CYRIB: variants seen among roughly 807,000 people sequenced by gnomAD.
CYRIB encodes the protein CYFIP related Rac1 interactor B.
Under a neutral mutation model 44.2 loss-of-function variants are expected in CYRIB, and 8 were observed. The observed-to-expected ratio is 0.18, with a 90% CI of 0.11 to 0.33. The LOEUF is 0.33. Among genes scored for constraint, CYRIB ranks in the 10% least tolerant of loss-of-function variants. The probability of loss-of-function intolerance (pLI) is 1.00; values close to 1 mark genes in which losing one functional copy is unlikely to be tolerated. For synonymous variants in CYRIB, 131 were observed against 127.2 expected, an observed-to-expected ratio of 1.03 and a Z score of -0.20; for missense variants, 185 against 382.8, an observed-to-expected ratio of 0.48 and a Z score of 4.31.
In CYRIB at chr8:129,955,247, C is replaced by T. The variant is rs529542190; in HGVS notation, c.-243+15696G>A. On this transcript the variant is annotated intron_variant, in intron 2 of 14. Transcript: ENST00000401979. ...CAGCCTGGGTGACAGAACAAAACTCCGTCTCAAAAAAAAAAAAAAAAAAAA... is the reference window on the plus strand; with the variant it reads ...CAGCCTGGGTGACAGAACAAAACTCTGTCTCAAAAAAAAAAAAAAAAAAAA... Among the ~76,000 whole-genome samples, 864 of 104,598 alleles carry T rather than the reference C, an allele frequency of 8.3e-3. 8 individuals are homozygous for T. Among genetic ancestry groups the T allele is most frequent in the African/African-American group, 0.019 (528 of 27,572 alleles). The allele number at this position is 104,598 out of a possible 152,430, so 68.6% of individuals were successfully genotyped here.
intron 1 of CYRIB, among the ~76,000 whole-genome samples, chr8:129,933,496 G>A (rs1318733484): frequency 1.3e-5 from 2 of 152,130 alleles, no homozygotes; most frequent in Non-Finnish European, 2.9e-5. Context: ...GGTTTACAGG[G>A]GTTAGGAAAA....
intron 1 of CYRIB, among the ~76,000 whole-genome samples, chr8:129,929,248 G>C (rs933483208): frequency 3.9e-5 from 6 of 152,102 alleles, no homozygotes; most frequent in Non-Finnish European, 7.4e-5. Context: ...GTGAGGGAGA[G>C]AGTGTGAGAA....
intron 3 of CYRIB, among the ~76,000 whole-genome samples, chr8:129,878,113 C>T (rs1487452405): frequency 6.6e-6 from 1 of 152,160 alleles, no homozygotes; most frequent in Admixed American, 6.5e-5. Flanking sequence ...TAATATTCAT[C>T]TAATATTTAA....
intron 1 of CYRIB, among the ~76,000 whole-genome samples, chr8:129,909,421 A>G (rs564407707): frequency 6.6e-6 from 1 of 152,334 alleles, no homozygotes; most frequent in Admixed American, 6.5e-5. Flanking sequence ...TCTTTTATGT[A>G]TATTTTTATA....
chr8:129,986,635 T>C (rs2395952), intron 1 of CYRIB, among the ~76,000 whole-genome samples: 50,608 of 151,874 alleles, frequency 0.33, 8,652 homozygotes, highest in African/African-American at 0.4. Context: ...CCCCTCACCA[T>C]GTGATGCTCT....
chr8:129,881,094 C>CAGGTACAAT (rs11472262), intron 2 of CYRIB, among the ~76,000 whole-genome samples: 2,587 of 152,240 alleles, frequency 0.017, 61 homozygotes, highest in African/African-American at 0.053. Context: ...ACACAGCAAA[C>CAGGTACAAT]AGGGAGCCAG....
chr8:129,955,139 G>C (rs1238760306), intron 2 of CYRIB, among the ~76,000 whole-genome samples: 1 of 151,684 alleles, frequency 6.6e-6, no homozygotes, highest in Non-Finnish European at 1.5e-5. Context: ...TGTAGTCCCA[G>C]CTACTTGGGA....
At chr8:129,900,572 T>C (rs919484661) in intron 2 of CYRIB, among the ~76,000 whole-genome samples, 2 of 152,214 alleles carry the variant, frequency 1.3e-5, no homozygotes, top group Admixed American at 1.3e-4. Context: ...TACCTTTTTC[T>C]TGTTTTCAAA....
At chr8:129,843,300 T>C (rs2037621777) in intron 11 of CYRIB, among the ~76,000 whole-genome samples, 1 of 152,186 alleles carries the variant, frequency 6.6e-6, no homozygotes, top group South Asian at 2.1e-4. Context: ...CAGTGGAGCA[T>C]ATTAAGCAGG....
intron 5 of CYRIB, among the ~76,000 whole-genome samples, chr8:129,856,392 C>T (rs2046233529): frequency 6.6e-6 from 1 of 152,036 alleles, no homozygotes; most frequent in South Asian, 2.1e-4. Flanking sequence ...CTAATAAATA[C>T]CATGTTTGAT....
At chr8:129,847,963 A>G (rs1223548200) in intron 10 of CYRIB, among the ~76,000 whole-genome samples, 2 of 151,914 alleles carry the variant, frequency 1.3e-5, no homozygotes, top group Non-Finnish European at 2.9e-5. Flanking sequence ...CACCACACCC[A>G]GCTAATTTTT....
chr8:129,901,342 G>A lies in CYRIB; in HGVS notation c.-11+1970C>T, dbSNP rs137965694. The A allele has an allele frequency of 6.4e-4, 97 of 152,116 alleles. 1 individual carries two copies. The highest frequency in any genetic ancestry group is 2.1e-3 in the African/African-American group (88 of 41,472). The allele number at this position is 152,116 out of a possible 1,614,324, so 9.4% of individuals were successfully genotyped here. On this transcript the variant is annotated intron_variant, in intron 2 of 11. Coordinates refer to ENST00000519824, the Ensembl canonical transcript of CYRIB. ...AGTGATTCTCATGCCTCAGCCTCCCGAGTAGCTGGGATAACAGGCAGGTGC... is the reference window on the plus strand; with the variant it reads ...AGTGATTCTCATGCCTCAGCCTCCCAAGTAGCTGGGATAACAGGCAGGTGC...
intron 4 of CYRIB, among the ~76,000 whole-genome samples, chr8:129,870,100 G>A (rs897691619): frequency 1.3e-5 from 2 of 152,044 alleles, no homozygotes; most frequent in South Asian, 2.1e-4. Context: ...ATGACACTAC[G>A]ATCTGCTAAT....
chr8:129,979,976 T>G (rs1436328168), intron 1 of CYRIB, among the ~76,000 whole-genome samples: 1 of 151,912 alleles, frequency 6.6e-6, no homozygotes, highest in Non-Finnish European at 1.5e-5. Flanking sequence ...CATAAACCCT[T>G]AAACATGAAC....
intron 1 of CYRIB, among the ~76,000 whole-genome samples, chr8:130,005,048 T>C (rs1268698710): frequency 2.0e-5 from 3 of 152,222 alleles, no homozygotes; most frequent in Non-Finnish European, 2.9e-5. Context: ...ATTACAGGCA[T>C]GAGCCACCGT....
intron 2 of CYRIB, among the ~76,000 whole-genome samples, chr8:129,957,693 TGGTGGC>T (rs1014778044): frequency 1.3e-5 from 2 of 151,810 alleles, no homozygotes; most frequent in Non-Finnish European, 1.5e-5. Context: ...TTGGCCGGCG[TGGTGGC>T]ACATGCCTGT....
In CYRIB at chr8:129,935,143, C is replaced by T. The variant is rs182946492; in HGVS notation, c.-50+4465G>A. Among the ~76,000 whole-genome samples, 69 of 152,272 alleles carry T rather than the reference C, an allele frequency of 4.5e-4. No homozygotes were observed. The South Asian group carries it at 1.0e-2, about 22-fold the overall frequency. The stretch of plus-strand genomic sequence containing the variant: ...GGTCCGAGAACAGTATGACATATTA[C>T]GTCACATTATGACATCCGGGACTAT... On this transcript the variant is annotated intron_variant, in intron 1 of 11. Coordinates refer to ENST00000519824, the Ensembl canonical transcript of CYRIB.
At chr8:129,912,939 T>C (rs1052023085) in intron 1 of CYRIB, among the ~76,000 whole-genome samples, 1 of 151,308 alleles carries the variant, frequency 6.6e-6, no homozygotes, top group Admixed American at 6.6e-5. Context: ...AATCCTACAA[T>C]GCAATACCAT....
intron 1 of CYRIB, among the ~76,000 whole-genome samples, chr8:130,004,008 C>CTTTA (rs2096971265): frequency 6.6e-6 from 1 of 152,160 alleles, no homozygotes; most frequent in South Asian, 2.1e-4. Context: ...AAAGACTCTG[C>CTTTA]TTTATTTATT....
Sources: gnomAD v4.1 joint callset for allele counts (sites outside exome capture counted in the v4.1 genomes callset) on GRCh38, gnomAD v4.1.1 for gene constraint, MANE v1.5 for transcripts, NCBI Gene and HGNC (gene_info 2026-07-23, HGNC 2026-07-21) for gene names.